Variants in FHAD1 observed in about 807,000 individuals in gnomAD.
FHAD1 encodes forkhead associated phosphopeptide binding domain 1.
In FHAD1, 146 loss-of-function variants were observed where a neutral mutation model predicts 191.3. That is an observed-to-expected ratio of 0.76 (90% CI 0.67 to 0.88). The LOEUF is 0.88. Ranked by LOEUF, FHAD1 falls within the 40% of genes least tolerant of loss-of-function variation. The probability of loss-of-function intolerance (pLI) is 0.00; values close to 1 mark genes in which losing one functional copy is unlikely to be tolerated. For missense variants in FHAD1, 1,635 were observed against 1,785.8 expected (o/e 0.92, Z 1.52); for synonymous variants, 616 against 672.3 (o/e 0.92, Z 1.29).
At position 15,381,141 on chromosome 1, in the gene FHAD1, T is replaced by G; in HGVS notation, c.3802-90T>G. 1.2e-6 allele frequency: 1 copy of G among 850,252 alleles called. No individual in the cohort carries two copies. Among genetic ancestry groups the G allele is most frequent in the Non-Finnish European group, 1.9e-6 (1 of 539,872 alleles). 52.7% of individuals were successfully genotyped at this position (850,252 alleles called of 1,614,324 possible). On this transcript the variant is annotated intron_variant, in intron 29 of 33. Coordinates refer to ENST00000688493, the MANE Select transcript of FHAD1 (RefSeq NM_001391957.1). This position sits in a 1 kb window ranked among gnomAD's most constrained non-coding sequence, Gnocchi z 4.6. ...GCGTGTTCTCTGCAATTGCAGAAAG[T>G]GAATGAAACAGAATTAGACATTGGC...
intron 26 of FHAD1, among the ~76,000 whole-genome samples, chr1:15,373,712 C>T (rs552568373): frequency 6.6e-6 from 1 of 152,002 alleles, no homozygotes; most frequent in African/African-American, 2.4e-5. Context: ...AAAAATTAGT[C>T]GGGCGTGGTG....
intron 28 of FHAD1, 100 bp downstream of exon 28, chr1:15,375,830 T>A: frequency 7.6e-7 from 1 of 1,307,290 alleles, no homozygotes; most frequent in Non-Finnish European, 1.0e-6. Context: ...TACATGTCAG[T>A]GGTTTGGGGC....
At chr1:15,254,210 T>C (rs1647134732) in intron 2 of FHAD1, among the ~76,000 whole-genome samples, 1 of 152,190 alleles carries the variant, frequency 6.6e-6, no homozygotes, top group Non-Finnish European at 1.5e-5. Flanking sequence ...GTAGAAACAG[T>C]GATCTCTGTT....
chr1:15,243,233 T>C (rs1417737509), upstream of FHAD1, among the ~76,000 whole-genome samples: 1 of 152,194 alleles, frequency 6.6e-6, no homozygotes, highest in Non-Finnish European at 1.5e-5. Context: ...ATTCTCTCCA[T>C]GGTTTGAAAT....
At chr1:15,361,952 C>T (rs1341377784) in intron 22 of FHAD1, among the ~76,000 whole-genome samples, 3 of 150,426 alleles carry the variant, frequency 2.0e-5, no homozygotes, top group Admixed American at 6.7e-5. Flanking sequence ...TGCAGTGAGC[C>T]GAGATCGCGC....
At chr1:15,400,739 C>T (rs1055974567), downstream of FHAD1, among the ~76,000 whole-genome samples, 3 of 152,232 alleles carry the variant, frequency 2.0e-5, no homozygotes, top group East Asian at 1.9e-4. Flanking sequence ...CACTGCCACG[C>T]TTTGTCTCTG....
intron 18 of FHAD1, among the ~76,000 whole-genome samples, chr1:15,348,103 A>G (rs562891940): frequency 2.0e-5 from 3 of 152,346 alleles, no homozygotes; most frequent in Admixed American, 6.5e-5. Context: ...AAAGGATCCA[A>G]ATAAACGTGA....
chr1:15,355,547 G>A (rs1692431322), intron 20 of FHAD1, among the ~76,000 whole-genome samples: 2 of 152,192 alleles, frequency 1.3e-5, no homozygotes, highest in South Asian at 4.1e-4. Flanking sequence ...AAGATGGCAG[G>A]CTGCATGGTC....
At chr1:15,328,492 G>A in intron 13 of FHAD1, 63 bp downstream of exon 13, 1 of 1,300,174 alleles carries the variant, frequency 7.7e-7, no homozygotes, top group Non-Finnish European at 1.0e-6. Flanking sequence ...GGCTTATTTG[G>A]GAAATTGCCC....
In FHAD1 at chr1:15,382,034, C is replaced by G. The variant is rs1196774624; in HGVS notation, c.4029C>G (p.Ser1343Arg). 1 of 1,552,098 alleles carries G rather than the reference C, an allele frequency of 6.4e-7. No homozygotes were observed. Among genetic ancestry groups the G allele is most frequent in the South Asian group, 1.2e-5 (1 of 84,054 alleles). The change falls in exon 31 of 34, where the codon AGC becomes AGG. Residue 1343 changes from serine to arginine, a missense_variant. By Grantham distance (110) the Ser-to-Arg change is moderately radical (BLOSUM62 -1). Transcript: ENST00000688493. ...YEKDVEQLRR[S>R]KVSIEMYQSQ... ...ATCTCTCCTGTGCACCCAGGCGGAG[C>G]AAAGTGTCCATTGAGATGTACCAGT...
At chr1:15,337,939 G>A (rs975924760) in intron 14 of FHAD1, among the ~76,000 whole-genome samples, 1 of 152,062 alleles carries the variant, frequency 6.6e-6, no homozygotes, top group African/African-American at 2.4e-5. Context: ...TATAAATTGG[G>A]GACCCACTGG....
At position 15,362,953 on chromosome 1, in the gene FHAD1, A is replaced by G. The variant is rs976679918; in HGVS notation, c.3047+227A>G. The stretch of plus-strand genomic sequence containing the variant: ...CTGCTGCCTTCCCAGTGCTGCTTCC[A>G]CTTCCCCATTCCTTCAGCAAGGCAG... On this transcript the variant is annotated intron_variant, in intron 23 of 33. Transcript: ENST00000688493. 2.0e-5 allele frequency among the ~76,000 whole-genome samples: 3 copies of G among 152,258 alleles called. No homozygotes were observed. In the South Asian group the frequency reaches 6.2e-4, roughly 32 times the overall value.
chr1:15,245,874 C>T (rs973576649), upstream of FHAD1, among the ~76,000 whole-genome samples: 1 of 152,220 alleles, frequency 6.6e-6, no homozygotes, highest in African/African-American at 2.4e-5. Flanking sequence ...CTAAAAGCCT[C>T]CAGGCACGTT....
chr1:15,346,516 A>T (rs932594989), intron 18 of FHAD1, among the ~76,000 whole-genome samples: 9 of 151,736 alleles, frequency 5.9e-5, no homozygotes, highest in Admixed American at 5.9e-4. Flanking sequence ...CCCATCACCC[A>T]TTTTCTTCCT....
At chr1:15,361,632 G>A (rs1309716008) in intron 22 of FHAD1, among the ~76,000 whole-genome samples, 1 of 152,080 alleles carries the variant, frequency 6.6e-6, no homozygotes, top group Non-Finnish European at 1.5e-5. Context: ...GGTGATCCAG[G>A]ATGAATAGGG....
chr1:15,292,764 C>T (rs1665312753), intron 4 of FHAD1, among the ~76,000 whole-genome samples: 2 of 152,106 alleles, frequency 1.3e-5, no homozygotes, highest in African/African-American at 2.4e-5. Context: ...GAGAAGCCAC[C>T]CGGCCAACAC....
chr1:15,394,868 G>C (rs1267792836), intron 33 of FHAD1, among the ~76,000 whole-genome samples: 1 of 152,162 alleles, frequency 6.6e-6, no homozygotes, highest in Non-Finnish European at 1.5e-5. Flanking sequence ...GGTAAATCCT[G>C]TTGGAAAGAA....
chr1:15,401,937 T>C (rs1707137743), downstream of FHAD1, among the ~76,000 whole-genome samples: 2 of 152,230 alleles, frequency 1.3e-5, no homozygotes, highest in Non-Finnish European at 2.9e-5. Flanking sequence ...TTAAACATTT[T>C]TCTTTGCCCA....
At chr1:15,388,437 G>T in intron 32 of FHAD1, 1 of 1,196,216 alleles carries the variant, frequency 8.4e-7, no homozygotes, top group Non-Finnish European at 1.1e-6. Context: ...GAAGGCAGAG[G>T]GGATATTCCA....
Sources: gnomAD v4.1 joint callset for allele counts (sites outside exome capture counted in the v4.1 genomes callset) on GRCh38, gnomAD v4.1.1 for gene constraint, Gnocchi (gnomAD v3.1) non-coding constraint, MANE v1.5 for transcripts, NCBI Gene and HGNC (gene_info 2026-07-23, HGNC 2026-07-21) for gene names.